Variants in MB21D2 observed in about 807,000 individuals in gnomAD.
The protein encoded by MB21D2 is Mab-21 domain containing 2, also known as nucleotidyltransferase MB21D2.
Under a neutral mutation model 33.3 loss-of-function variants are expected in MB21D2, and 9 were observed. That is an observed-to-expected ratio of 0.27 (90% confidence interval 0.16 to 0.47). MB21D2 has a LOEUF of 0.47. MB21D2 is among the 20% of genes least tolerant of loss of function. The probability of loss-of-function intolerance (pLI) is 0.99; values close to 1 mark genes in which losing one functional copy is unlikely to be tolerated. For synonymous variants in MB21D2, 241 were observed against 236.3 expected (o/e 1.02, Z -0.18); for missense variants, 540 against 624.6 (o/e 0.86, Z 1.44).
At chr3:192,885,236 T>C (rs185876121) in intron 1 of MB21D2, among the ~76,000 whole-genome samples, 3 of 152,258 alleles carry the variant, frequency 2.0e-5, no homozygotes, top group East Asian at 1.9e-4. Flanking sequence ...ACAACCTGCA[T>C]AAATTGCACA....
rs550436402 is a variant in MB21D2, at chr3:192,904,967, G to A, written c.211+12663C>T. ...ATGAGCCCGCAGGCACCATATGCCCGTAGGATTGTGTTGTTCCAAATCAAA... is the reference window on the plus strand; with the variant it reads ...ATGAGCCCGCAGGCACCATATGCCCATAGGATTGTGTTGTTCCAAATCAAA... On this transcript the variant is annotated intron_variant, in intron 1 of 1. Transcript: ENST00000392452. Among the ~76,000 whole-genome samples, 14 of 152,308 alleles carry A rather than the reference G, an allele frequency of 9.2e-5. No homozygotes were observed. The South Asian group carries it at 1.0e-3, about 11-fold the overall frequency.
At chr3:192,860,220 C>T (rs923286808) in intron 1 of MB21D2, among the ~76,000 whole-genome samples, 5 of 152,148 alleles carry the variant, frequency 3.3e-5, no homozygotes, top group Admixed American at 1.3e-4. Flanking sequence ...ACGTGCTGAC[C>T]GACCCAGAAA....
intron 1 of MB21D2, among the ~76,000 whole-genome samples, chr3:192,852,681 T>C (rs1372366322): frequency 6.6e-6 from 1 of 152,218 alleles, no homozygotes; most frequent in Non-Finnish European, 1.5e-5. Context: ...CCAATGTCCA[T>C]TTGTTAGTAT....
At position 192,798,294 on chromosome 3, in the gene MB21D2, C is replaced by A; in HGVS notation, c.*92G>T. ...TTGTTCTTAACAAATCCAATCTAGGCTGGATATGTAAAAAACAGAAAGATA... is the reference window on the plus strand; with the variant it reads ...TTGTTCTTAACAAATCCAATCTAGGATGGATATGTAAAAAACAGAAAGATA... On this transcript the variant is annotated 3_prime_UTR_variant, in exon 2 of 2. Transcript: ENST00000392452. This position sits in a 1 kb window ranked among gnomAD's most constrained non-coding sequence, Gnocchi z 4.8. The A allele has an allele frequency of 7.1e-7, 1 of 1,400,146 alleles. No individual in the cohort carries two copies. The highest frequency in any genetic ancestry group is 9.8e-7 in the Non-Finnish European group (1 of 1,023,268). The allele number at this position is 1,400,146 out of a possible 1,614,324, so 86.7% of individuals were successfully genotyped here.
intron 1 of MB21D2, among the ~76,000 whole-genome samples, chr3:192,831,543 G>A (rs773540063): frequency 6.6e-6 from 1 of 152,164 alleles, no homozygotes; most frequent in Non-Finnish European, 1.5e-5. Context: ...CCATAGTCAC[G>A]TCACCTTCTT....
chr3:192,885,391 T>C (rs1005700502), intron 1 of MB21D2, among the ~76,000 whole-genome samples: 27 of 152,124 alleles, frequency 1.8e-4, no homozygotes, highest in South Asian at 4.1e-4. Flanking sequence ...TCTACAGTGA[T>C]GGGTTTCAGT....
At chr3:192,883,114 C>T (rs1286173602) in intron 1 of MB21D2, among the ~76,000 whole-genome samples, 4 of 152,034 alleles carry the variant, frequency 2.6e-5, no homozygotes, top group Non-Finnish European at 5.9e-5. Context: ...GTAATCCACC[C>T]GTCTCGGCCT....
At chr3:192,895,389 A>C (rs1036613014) in intron 1 of MB21D2, among the ~76,000 whole-genome samples, 3 of 152,216 alleles carry the variant, frequency 2.0e-5, no homozygotes, top group South Asian at 2.1e-4. Context: ...AAAATTACTA[A>C]TATAAGCATC....
chr3:192,912,122 G>C (rs1206126712), intron 1 of MB21D2, among the ~76,000 whole-genome samples: 2 of 152,186 alleles, frequency 1.3e-5, no homozygotes, highest in East Asian at 1.9e-4. Context: ...TTACATCTTT[G>C]AAATGGCCAC....
At chr3:192,851,110 T>C (rs1264937925) in intron 1 of MB21D2, among the ~76,000 whole-genome samples, 1 of 152,142 alleles carries the variant, frequency 6.6e-6, no homozygotes, top group Non-Finnish European at 1.5e-5. Flanking sequence ...ACAATGAACA[T>C]AGAACACACT....
chr3:192,846,464 G>A (rs1712681959), intron 1 of MB21D2, among the ~76,000 whole-genome samples: 1 of 151,880 alleles, frequency 6.6e-6, no homozygotes, highest in African/African-American at 2.4e-5. Flanking sequence ...TTGCTCCCCT[G>A]CCCCAATGCC....
In MB21D2 at chr3:192,798,883, T is replaced by C. The variant is rs533496591; in HGVS notation, c.979A>G (p.Ile327Val). ...ATGCTCCGCAGGTGATAGGGGCTAA[T>C]AGCCTTGGGCCGGGACAGCAGTTTA... is the stretch of plus-strand genomic sequence containing the variant. Reference protein sequence around the residue: ...IIKLLSRPKAISPYHLRSMML... With the variant: ...IIKLLSRPKAVSPYHLRSMML... The change falls in exon 2 of 2, where the codon ATT becomes GTT. Residue 327 changes from isoleucine (I) to valine (V), a missense_variant. Transcript: ENST00000392452. This position sits in a 1 kb window ranked among gnomAD's most constrained non-coding sequence, Gnocchi z 4.8. 7 of 1,613,576 alleles carry C rather than the reference T, an allele frequency of 4.3e-6. No homozygotes were observed. Among genetic ancestry groups the C allele is most frequent in the African/African-American group, 4.0e-5 (3 of 75,032 alleles).
chr3:192,897,201 C>G (rs1454976925), intron 1 of MB21D2, among the ~76,000 whole-genome samples: 1 of 152,078 alleles, frequency 6.6e-6, no homozygotes, highest in African/African-American at 2.4e-5. Context: ...TGTTCAAAGT[C>G]GTCAAACTAG....
chr3:192,846,566 A>G (rs1577181838), intron 1 of MB21D2, among the ~76,000 whole-genome samples: 1 of 152,140 alleles, frequency 6.6e-6, no homozygotes, highest in East Asian at 1.9e-4. Context: ...CTCCTAACCC[A>G]CTCATAGCAT....
intron 1 of MB21D2, among the ~76,000 whole-genome samples, chr3:192,915,045 C>T (rs937952830): frequency 2.0e-5 from 3 of 152,198 alleles, no homozygotes; most frequent in Admixed American, 2.0e-4. Flanking sequence ...TTTTTCTCAG[C>T]TCCACTAAAG....
At chr3:192,830,936 G>A (rs2108620698) in intron 1 of MB21D2, among the ~76,000 whole-genome samples, 1 of 152,282 alleles carries the variant, frequency 6.6e-6, no homozygotes, top group East Asian at 1.9e-4. Context: ...GTATGAGATG[G>A]TCAAGCTAAT....
chr3:192,809,681 T>C (rs1325780649), intron 1 of MB21D2, among the ~76,000 whole-genome samples: 2 of 152,238 alleles, frequency 1.3e-5, no homozygotes, highest in African/African-American at 4.8e-5. Context: ...AAAAACTGAC[T>C]TTAGTCATCT....
At chr3:192,855,194 G>A (rs1278995669) in intron 1 of MB21D2, among the ~76,000 whole-genome samples, 1 of 152,156 alleles carries the variant, frequency 6.6e-6, no homozygotes, top group African/African-American at 2.4e-5. Context: ...TGTCTCCCAG[G>A]TTCAAGCAAT....
chr3:192,803,602 C>T (rs749411685), intron 1 of MB21D2, among the ~76,000 whole-genome samples: 8 of 152,196 alleles, frequency 5.3e-5, no homozygotes, highest in Admixed American at 1.3e-4. Context: ...TCCTTGAAAA[C>T]TTTCCTGGGC....
Sources: gnomAD v4.1 joint callset for allele counts (sites outside exome capture counted in the v4.1 genomes callset) on GRCh38, gnomAD v4.1.1 for gene constraint, Gnocchi (gnomAD v3.1) non-coding constraint, MANE v1.5 for transcripts, NCBI Gene and HGNC (gene_info 2026-07-23, HGNC 2026-07-21) for gene names.